OGDH: variants seen among roughly 807,000 people sequenced by gnomAD.
OGDH encodes the protein oxoglutarate dehydrogenase.
In OGDH, 38 loss-of-function variants were observed where a neutral mutation model predicts 116.6. The ratio of observed to expected loss-of-function variants is 0.33; its 90% CI spans 0.25 to 0.43. The LOEUF is 0.43. Ranked by LOEUF, OGDH falls within the 20% of genes least tolerant of loss-of-function variation. OGDH has a pLI of 1.00. For synonymous variants in OGDH, 488 were observed against 533.3 expected, an observed-to-expected ratio of 0.92 and a Z score of 1.17; for missense variants, 825 against 1,357.2, an observed-to-expected ratio of 0.61 and a Z score of 6.16.
At position 44,658,723 on chromosome 7, in the gene OGDH, C is replaced by G. The variant is rs1786804951; in HGVS notation, c.518-8013C>G. ...TAGATTTTTTGTAAATGCTCTTTATCAAGCTGAGGAAGTTCCTCTGTATTC... is the reference window on the plus strand; with the variant it reads ...TAGATTTTTTGTAAATGCTCTTTATGAAGCTGAGGAAGTTCCTCTGTATTC... On this transcript the variant is annotated intron_variant, in intron 4 of 22. Coordinates refer to ENST00000222673, the MANE Select transcript of OGDH (RefSeq NM_002541.4). Among the ~76,000 whole-genome samples the G allele has an allele frequency of 2.0e-5, 3 of 152,076 alleles. No homozygotes were observed. The South Asian group carries it at 6.2e-4, about 31-fold the overall frequency.
Position 44,707,226 on chromosome 7 carries a change from A to G in OGDH, c.2634A>G (p.Gly878=). 6.2e-7 allele frequency: 1 copy of G among 1,614,104 alleles called. No homozygotes were observed. ...CTAGCCATGGGAACTCTCTTGTAGGAACCCACTTCCAGCGGGTGATCCCAG... is the reference window on the plus strand; with the variant it reads ...CTAGCCATGGGAACTCTCTTGTAGGGACCCACTTCCAGCGGGTGATCCCAG... ...ARSSFDEMLP[G]THFQRVIPED... is the part of the protein sequence containing the mutation. The change falls in exon 21 of 23, where the codon GGA becomes GGG. Residue 878 remains glycine, a splice_region_variant and synonymous_variant. Transcript: ENST00000222673. This position sits in a 1 kb window ranked among gnomAD's most constrained non-coding sequence, Gnocchi z 5.2.
Position 44,694,124 on chromosome 7 carries a change from A to G in OGDH, c.1515+120A>G. 1 of 1,114,226 alleles carries G rather than the reference A, an allele frequency of 9.0e-7. No homozygotes were observed. The highest frequency in any genetic ancestry group is 1.3e-6 in the Non-Finnish European group (1 of 793,012). The allele number at this position is 1,114,226 out of a possible 1,614,324, so 69.0% of individuals were successfully genotyped here. ...TAGATGAGTCACCTCAGGGCTCTCT[A>G]CTGCCAGGCCTCATGCTGGTTCCTT... On this transcript the variant is annotated intron_variant, in intron 11 of 22. Coordinates refer to ENST00000222673, the MANE Select transcript of OGDH (RefSeq NM_002541.4). This position sits in a 1 kb window ranked among gnomAD's most constrained non-coding sequence, Gnocchi z 4.2.
intron 2 of OGDH, among the ~76,000 whole-genome samples, chr7:44,636,642 A>G (rs998268540): frequency 2.0e-5 from 3 of 152,232 alleles, no homozygotes; most frequent in Non-Finnish European, 2.9e-5. Flanking sequence ...TAGCCTTTCA[A>G]GAGCTTCCTT....
chr7:44,661,608 GT>G (rs557641973), intron 4 of OGDH, among the ~76,000 whole-genome samples: 1 of 150,296 alleles, frequency 6.7e-6, no homozygotes, highest in Non-Finnish European at 1.5e-5. Context: ...GGTTTTTTGG[GT>G]TTTTTTTTGA....
At chr7:44,660,061 C>A (rs1323663168) in intron 4 of OGDH, among the ~76,000 whole-genome samples, 2 of 152,150 alleles carry the variant, frequency 1.3e-5, no homozygotes, top group Non-Finnish European at 2.9e-5. Flanking sequence ...GTATTTACTA[C>A]TATAAATGTT....
At chr7:44,662,036 A>G (rs921504020) in intron 4 of OGDH, among the ~76,000 whole-genome samples, 9 of 152,154 alleles carry the variant, frequency 5.9e-5, no homozygotes, top group African/African-American at 2.2e-4. Flanking sequence ...ACCTCCTTTT[A>G]TATCTCTTTA....
intron 2 of OGDH, among the ~76,000 whole-genome samples, chr7:44,631,503 C>T (rs1785438871): frequency 1.3e-5 from 2 of 152,250 alleles, no homozygotes; most frequent in African/African-American, 2.4e-5. Flanking sequence ...AATCTCAGCA[C>T]TTGTGGCTTT....
At chr7:44,636,538 C>T (rs1446733677) in intron 2 of OGDH, among the ~76,000 whole-genome samples, 1 of 152,230 alleles carries the variant, frequency 6.6e-6, no homozygotes, top group Non-Finnish European at 1.5e-5. Context: ...TCAGGCTGCT[C>T]CCTCAGAAAG....
intron 20 of OGDH, among the ~76,000 whole-genome samples, chr7:44,706,418 T>C (rs1333689863): frequency 2.3e-4 from 34 of 149,088 alleles, no homozygotes; most frequent in Non-Finnish European, 4.3e-4. Flanking sequence ...GCCTCCCGGG[T>C]TCAAGCAATT....
At chr7:44,624,699 A>C (rs1330158240) in intron 2 of OGDH, 134 bp downstream of exon 2, 1 of 745,738 alleles carries the variant, frequency 1.3e-6, no homozygotes, top group East Asian at 2.6e-5. Flanking sequence ...CAACCACCGT[A>C]TCTGTATCGG....
At position 44,698,231 on chromosome 7, in the gene OGDH, C is replaced by G. The variant is rs749369063; in HGVS notation, c.2398C>G (p.Gln800Glu). Residue 800 changes from glutamine (Q) to glutamate (E), a missense_variant, in exon 18 of 23, where the codon CAG becomes GAG. Gln to Glu is a conservative substitution (Grantham distance 29). Coordinates refer to ENST00000222673, the MANE Select transcript of OGDH (RefSeq NM_002541.4). ...HSSARPERFL[Q>E]MCNDDPDVLP... ...CTCCGCCCGCCCAGAGCGGTTCTTG[C>G]AGATGTGCAACGATGACCCAGATGT... is the stretch of plus-strand genomic sequence containing the variant. 1.9e-6 allele frequency: 3 copies of G among 1,614,144 alleles called. No homozygotes were observed. Among genetic ancestry groups the G allele is most frequent in the East Asian group, 2.2e-5 (1 of 44,884 alleles).
rs533035881 is a variant in OGDH at position 44,621,688 on chromosome 7, A to G, written c.-27-2629A>G. Among the ~76,000 whole-genome samples, 26 of 152,258 alleles carry G rather than the reference A, an allele frequency of 1.7e-4. No homozygotes were observed. The East Asian group carries it at 2.7e-3, about 16-fold the overall frequency. ...GGAGTTTGAGACCAGCCTGGCCAAC[A>G]TAATGAAACCCTGTCTCTACTAAAA... is the stretch of plus-strand genomic sequence containing the variant. On this transcript the variant is annotated intron_variant, in intron 1 of 22. Transcript: ENST00000222673.
chr7:44,663,801 G>A (rs193231337), intron 4 of OGDH, among the ~76,000 whole-genome samples: 5 of 152,174 alleles, frequency 3.3e-5, no homozygotes, highest in East Asian at 1.9e-4. Flanking sequence ...CTAGCTGGAC[G>A]TGGTGTTGTG....
intron 2 of OGDH, among the ~76,000 whole-genome samples, chr7:44,624,967 T>C (rs978599310): frequency 2.6e-5 from 4 of 152,234 alleles, no homozygotes; most frequent in African/African-American, 4.8e-5. Flanking sequence ...TCACCTCATG[T>C]AATTTCTGTA....
chr7:44,643,121 AT>A (rs113882959), intron 2 of OGDH, among the ~76,000 whole-genome samples: 33,499 of 144,542 alleles, frequency 0.23, 7,082 homozygotes, highest in African/African-American at 0.54. Flanking sequence ...AAAAAAAGTC[AT>A]TTTTTAAGTG....
chr7:44,633,153 T>C (rs1785515513), intron 2 of OGDH, among the ~76,000 whole-genome samples: 1 of 147,364 alleles, frequency 6.8e-6, no homozygotes, highest in South Asian at 2.1e-4. Flanking sequence ...CTTGGGAAGC[T>C]GAGGCAGGAG....
intron 5 of OGDH, 43 bp downstream of exon 5, chr7:44,666,894 C>A: frequency 1.6e-6 from 2 of 1,213,248 alleles, no homozygotes; most frequent in South Asian, 2.6e-5. Flanking sequence ...TTCTTAAGAA[C>A]TTGTATTGGC....
At chr7:44,647,567 G>T in intron 3 of OGDH, 90 bp from the exon 4 acceptor site, 1 of 1,564,884 alleles carries the variant, frequency 6.4e-7, no homozygotes, top group South Asian at 1.2e-5. Flanking sequence ...TAATTTTAAT[G>T]TAATTTTACT....
rs181641212 is a variant in OGDH at position 44,661,468 on chromosome 7, G to T, written c.518-5268G>T. 1.8e-4 allele frequency among the ~76,000 whole-genome samples: 27 copies of T among 152,134 alleles called. No individual in the cohort carries two copies. In the East Asian group the frequency reaches 3.3e-3, roughly 18 times the overall value. Reference sequence around the variant, plus strand: ...TTATATTTAATGTAATTATTGGTATGTTAGGGCTCAAGTGTGCCATTTTAT... The same window carrying T: ...TTATATTTAATGTAATTATTGGTATTTTAGGGCTCAAGTGTGCCATTTTAT... On this transcript the variant is annotated intron_variant, in intron 4 of 22. Transcript: ENST00000222673.
Sources: allele counts gnomAD v4.1 joint callset (sites outside exome capture counted in the v4.1 genomes callset), GRCh38; gene constraint gnomAD v4.1.1; non-coding constraint Gnocchi (gnomAD v3.1); transcripts MANE v1.5; gene names NCBI Gene and HGNC (gene_info 2026-07-23, HGNC 2026-07-21).